Variants in POM121C observed in about 807,000 individuals in gnomAD.
POM121C encodes POM121 transmembrane nucleoporin C.
In POM121C, 20 loss-of-function variants were observed where a neutral mutation model predicts 66.4. That is an observed-to-expected ratio of 0.30 (90% CI 0.21 to 0.44). POM121C has a LOEUF of 0.44. POM121C is among the 20% of genes least tolerant of loss of function. The probability of loss-of-function intolerance (pLI) is 1.00; values close to 1 mark genes in which losing one functional copy is unlikely to be tolerated. For synonymous variants in POM121C, 286 were observed against 528.0 expected, an observed-to-expected ratio of 0.54 and a Z score of 6.28; for missense variants, 580 against 1,225.7, an observed-to-expected ratio of 0.47 and a Z score of 7.87.
chr7:75,476,490 G>A (rs1406445672), intron 1 of POM121C, among the ~76,000 whole-genome samples: 1 of 152,112 alleles, frequency 6.6e-6, no homozygotes, highest in Non-Finnish European at 1.5e-5. Context: ...TTCAAACCCA[G>A]TGATACAGCT....
chr7:75,456,129 C>T (rs1262113607), intron 3 of POM121C, among the ~76,000 whole-genome samples: 1 of 152,204 alleles, frequency 6.6e-6, no homozygotes, highest in Non-Finnish European at 1.5e-5. Flanking sequence ...GTCCCAGCTA[C>T]TCAGGAGGCT....
intron 1 of POM121C, among the ~76,000 whole-genome samples, chr7:75,482,606 T>G (rs1284746548): frequency 2.6e-5 from 4 of 152,046 alleles, no homozygotes; most frequent in African/African-American, 9.7e-5. Context: ...AAGAGGATCG[T>G]GTGGGCCCGG....
chr7:75,440,204 AT>A (rs1279792273), intron 5 of POM121C, among the ~76,000 whole-genome samples: 3 of 151,972 alleles, frequency 2.0e-5, no homozygotes, highest in African/African-American at 7.2e-5. Flanking sequence ...TAATCTCATT[AT>A]TGATAAAACT....
chr7:75,435,058 G>A (rs1319613609), intron 7 of POM121C, among the ~76,000 whole-genome samples: 7 of 152,144 alleles, frequency 4.6e-5, no homozygotes, highest in African/African-American at 7.2e-5. Context: ...ACCCTTGACC[G>A]GAATCTGACT....
At chr7:75,469,643 C>T (rs1554478344) in intron 3 of POM121C, among the ~76,000 whole-genome samples, 1 of 152,218 alleles carries the variant, frequency 6.6e-6, no homozygotes, top group African/African-American at 2.4e-5. Flanking sequence ...GAGTAAAAGA[C>T]AATCCTTATG....
intron 3 of POM121C, among the ~76,000 whole-genome samples, chr7:75,465,895 CAAAAAAAAAAAAAAA>C (rs35108311): frequency 6.6e-5 from 1 of 15,222 alleles, no homozygotes; most frequent in African/African-American, 2.9e-4. Context: ...CACCCTGTCT[CAAAAAAAAAAAAAAA>C]AAAAAAAAAA....
intron 7 of POM121C, among the ~76,000 whole-genome samples, chr7:75,435,750 G>C (rs1409113927): frequency 3.3e-5 from 5 of 152,188 alleles, no homozygotes; most frequent in African/African-American, 1.2e-4. Context: ...CACTGATATT[G>C]CTATTTTGAA....
At position 75,443,083 on chromosome 7, in the gene POM121C, A is replaced by G. The variant is rs587697315; in HGVS notation, c.-151-1436T>C. Among the ~76,000 whole-genome samples the G allele has an allele frequency of 2.2e-4, 33 of 152,220 alleles. 1 individual carries two copies. The South Asian group carries it at 6.0e-3, about 28-fold the overall frequency. On this transcript the variant is annotated intron_variant, in intron 3 of 14. Coordinates refer to ENST00000615331, the MANE Select transcript of POM121C (RefSeq NM_001099415.3). ...CTCCCCTCCAGCACAGCCTGTTACC[A>G]GGTGCTTTTCACAAACGCCACTGGC...
chr7:75,475,164 C>T lies in POM121C; in HGVS notation c.-433G>A, dbSNP rs1792029763. 1 of 1,538,188 alleles carries T rather than the reference C, an allele frequency of 6.5e-7. No individual in the cohort carries two copies. Among genetic ancestry groups the T allele is most frequent in the African/African-American group, 1.4e-5 (1 of 73,252 alleles). ...CACTCCTCCTGGGTGAAATCCACAGCCACATCTTTGAATGACACTGGCCCC... is the reference window on the plus strand; with the variant it reads ...CACTCCTCCTGGGTGAAATCCACAGTCACATCTTTGAATGACACTGGCCCC... On this transcript the variant is annotated 5_prime_UTR_variant, in exon 2 of 15. It introduces an in-frame stop codon into an upstream open reading frame of the 5' UTR. Transcript: ENST00000615331.
chr7:75,424,320 G>T (rs1275551549), intron 11 of POM121C, 95 bp from the exon 12 acceptor site: 12 of 1,512,616 alleles, frequency 7.9e-6, no homozygotes, highest in Non-Finnish European at 3.6e-6. Flanking sequence ...GCTCATGGAG[G>T]AATGTCTGCC....
At chr7:75,459,942 A>C (rs1371022588) in intron 3 of POM121C, among the ~76,000 whole-genome samples, 1 of 145,496 alleles carries the variant, frequency 6.9e-6, no homozygotes, top group Admixed American at 7.2e-5. Flanking sequence ...GTATAATATA[A>C]TCTCTACAGC....
chr7:75,447,939 G>C (rs1322730969), intron 3 of POM121C, among the ~76,000 whole-genome samples: 10 of 151,692 alleles, frequency 6.6e-5, no homozygotes, highest in African/African-American at 2.4e-4. Context: ...CAGGAGAATG[G>C]TGTGAACCCA....
At position 75,417,627 on chromosome 7, in the gene POM121C, G is replaced by C. The variant is rs1362591913; in HGVS notation, c.*1169C>G. 1.0e-6 allele frequency: 1 copy of C among 984,424 alleles called. No individual in the cohort carries two copies. Among genetic ancestry groups the C allele is most frequent in the Admixed American group, 6.2e-5 (1 of 16,244 alleles). The allele number at this position is 984,424 out of a possible 1,614,324, so 61.0% of individuals were successfully genotyped here. ...TTTAAAAATATGGTTCATTAATTTAGGTTTTCTAACATCTACTTTGGGTGA... is the reference window on the plus strand; with the variant it reads ...TTTAAAAATATGGTTCATTAATTTACGTTTTCTAACATCTACTTTGGGTGA... On this transcript the variant is annotated 3_prime_UTR_variant, in exon 15 of 15. Coordinates refer to ENST00000615331, the MANE Select transcript of POM121C (RefSeq NM_001099415.3).
chr7:75,424,355 C>T lies in POM121C; in HGVS notation c.872-130G>A, dbSNP rs182758630. ...CCTAAATTGCAGTAGTCCCTGCTGT[C>T]CAGTTCCCGTGAAGACCAACACGGA... is the stretch of plus-strand genomic sequence containing the variant. On this transcript the variant is annotated intron_variant, in intron 11 of 14. Coordinates refer to ENST00000615331, the MANE Select transcript of POM121C (RefSeq NM_001099415.3). 1,113 of 1,168,680 alleles carry T rather than the reference C, an allele frequency of 9.5e-4. 3 individuals carry two copies. The Middle Eastern group carries it at 0.018, about 19-fold the overall frequency. The allele number at this position is 1,168,680 out of a possible 1,614,324, so 72.4% of individuals were successfully genotyped here. A position where few individuals can be genotyped will look rare whatever the true frequency, so the allele number is the denominator to read the frequency against.
At chr7:75,435,785 C>G (rs1270314119) in intron 7 of POM121C, among the ~76,000 whole-genome samples, 1 of 152,224 alleles carries the variant, frequency 6.6e-6, no homozygotes, top group African/African-American at 2.4e-5. Flanking sequence ...CATGGTGGCT[C>G]ACACCTGTAA....
At chr7:75,442,700 G>T in intron 3 of POM121C, 8 of 1,393,618 alleles carry the variant, frequency 5.7e-6, no homozygotes, top group Non-Finnish European at 7.4e-6. Flanking sequence ...TGCTCCAGCC[G>T]CCGCAGCCGC....
chr7:75,474,853 C>G lies in POM121C; in HGVS notation c.-301G>C. 7.7e-7 allele frequency: 1 copy of G among 1,292,578 alleles called. No homozygotes were observed. Among genetic ancestry groups the G allele is most frequent in the South Asian group, 1.3e-5 (1 of 78,742 alleles). 80.1% of individuals were successfully genotyped at this position (1,292,578 alleles called of 1,614,324 possible). A position where few individuals can be genotyped will look rare whatever the true frequency, so the allele number is the denominator to read the frequency against. ...GGCAAGTTGCTCGGCTTCAGAATCTCCGAAGTACAAGATGTTGCCACCTCA... is the reference window on the plus strand; with the variant it reads ...GGCAAGTTGCTCGGCTTCAGAATCTGCGAAGTACAAGATGTTGCCACCTCA... On this transcript the variant is annotated 5_prime_UTR_variant, in exon 3 of 15. Transcript: ENST00000615331.
rs77058328 is a variant in POM121C at position 75,421,242 on chromosome 7, T to C, written c.2743+267A>G. On this transcript the variant is annotated intron_variant, in intron 13 of 14. Coordinates refer to ENST00000615331, the MANE Select transcript of POM121C (RefSeq NM_001099415.3). ...CCACCCTCCTTGGCCTCCCAAAATA[T>C]TGGGATTACAAGCATGAGCCACTGC... The C allele has an allele frequency of 3.6e-4, 372 of 1,037,318 alleles. 2 individuals are homozygous for C. In the East Asian group the frequency reaches 0.01, roughly 29 times the overall value. The allele number at this position is 1,037,318 out of a possible 1,614,324, so 64.3% of individuals were successfully genotyped here.
rs587655678 is a variant in POM121C at position 75,474,744 on chromosome 7, C to T, written c.-192G>A. 4.3e-5 allele frequency: 62 copies of T among 1,453,848 alleles called. No individual in the cohort carries two copies. The African/African-American group carries it at 4.3e-4, about 10-fold the overall frequency. 90.1% of individuals were successfully genotyped at this position (1,453,848 alleles called of 1,614,324 possible). A position where few individuals can be genotyped will look rare whatever the true frequency, so the allele number is the denominator to read the frequency against. ...ATGGAAATTCACCTCCCGTTATCCACAGCTCCTCTCCCTGCTCCAACTTAA... is the reference window on the plus strand; with the variant it reads ...ATGGAAATTCACCTCCCGTTATCCATAGCTCCTCTCCCTGCTCCAACTTAA... On this transcript the variant is annotated 5_prime_UTR_variant, in exon 3 of 15. In the 5' UTR this introduces an upstream ATG that the reference lacks. Coordinates refer to ENST00000615331, the MANE Select transcript of POM121C (RefSeq NM_001099415.3).
Sources: gnomAD v4.1 joint callset for allele counts (sites outside exome capture counted in the v4.1 genomes callset) on GRCh38, gnomAD v4.1.1 for gene constraint, MANE v1.5 for transcripts, NCBI Gene and HGNC (gene_info 2026-07-23, HGNC 2026-07-21) for gene names.